PTGER3: variants seen among roughly 807,000 people sequenced by gnomAD.
The protein encoded by PTGER3 is prostaglandin E receptor 3.
PTGER3 carries 22 observed loss-of-function variants against 34.7 expected under a neutral mutation model. That is an observed-to-expected ratio of 0.63 (90% CI 0.45 to 0.91). The LOEUF (loss-of-function observed/expected upper bound fraction) is 0.91. Among genes scored for constraint, PTGER3 ranks in the 40% least tolerant of loss-of-function variants. The pLI is 0.00. For missense variants in PTGER3, 468 were observed against 519.4 expected (o/e 0.90, Z 0.96); for synonymous variants, 241 against 230.1 (o/e 1.05, Z -0.43).
intron 4 of PTGER3, among the ~76,000 whole-genome samples, chr1:70,880,490 G>A (rs535293501): frequency 1.3e-5 from 2 of 151,150 alleles, no homozygotes; most frequent in Non-Finnish European, 2.9e-5. Flanking sequence ...AGGAGTTCGA[G>A]ACCAGCCTGG....
At chr1:70,936,715 T>C (rs971061069) in intron 4 of PTGER3, among the ~76,000 whole-genome samples, 3 of 152,212 alleles carry the variant, frequency 2.0e-5, no homozygotes, top group African/African-American at 7.2e-5. Flanking sequence ...AGACAAATTT[T>C]AGGTGTTCTT....
intron 4 of PTGER3, among the ~76,000 whole-genome samples, chr1:70,946,549 A>G (rs974048771): frequency 5.0e-4 from 76 of 152,268 alleles, no homozygotes; most frequent in African/African-American, 1.7e-3. Flanking sequence ...TCTGCATAAA[A>G]CATCTTACAC....
chr1:70,888,978 A>G (rs961408854), intron 4 of PTGER3, among the ~76,000 whole-genome samples: 2 of 152,152 alleles, frequency 1.3e-5, no homozygotes, highest in African/African-American at 4.8e-5. Flanking sequence ...GGTTTTTTAG[A>G]AAAGAAAGCA....
At chr1:70,965,301 A>T (rs1442275735) in intron 2 of PTGER3, among the ~76,000 whole-genome samples, 2 of 152,196 alleles carry the variant, frequency 1.3e-5, no homozygotes, top group African/African-American at 4.8e-5. Context: ...TCATTTTATT[A>T]ACAAAACATA....
chr1:70,864,787 T>C (rs1245940240), intron 4 of PTGER3, among the ~76,000 whole-genome samples: 1 of 152,248 alleles, frequency 6.6e-6, no homozygotes, highest in Admixed American at 6.5e-5. Flanking sequence ...AGTCCCATTT[T>C]ATAGCTAAGT....
intron 2 of PTGER3, among the ~76,000 whole-genome samples, chr1:70,957,083 C>A (rs1651421629): frequency 1.3e-5 from 2 of 152,112 alleles, no homozygotes; most frequent in African/African-American, 4.8e-5. Context: ...TTAAAATCCC[C>A]AAATAAGAAA....
chr1:71,031,498 T>G (rs369800774), intron 1 of PTGER3, among the ~76,000 whole-genome samples: 1 of 152,174 alleles, frequency 6.6e-6, no homozygotes, highest in South Asian at 2.1e-4. Context: ...GCCTTCATCC[T>G]TTGTTATAGC....
chr1:71,045,160 T>C (rs1042941612), intron 1 of PTGER3, among the ~76,000 whole-genome samples: 1 of 152,162 alleles, frequency 6.6e-6, no homozygotes. Context: ...ACACTCCTTG[T>C]CCCCTCATGT....
intron 2 of PTGER3, among the ~76,000 whole-genome samples, chr1:70,985,782 A>G (rs1390959299): frequency 6.6e-6 from 1 of 152,128 alleles, no homozygotes; most frequent in African/African-American, 2.4e-5. Flanking sequence ...TATGTTCGTC[A>G]CTTTGTTCAG....
chr1:71,006,312 T>C, intron 2 of PTGER3: 1 of 985,450 alleles, frequency 1.0e-6, no homozygotes, highest in Non-Finnish European at 1.2e-6. Flanking sequence ...AGCTTGACTT[T>C]GCAGTCTACA....
intron 4 of PTGER3, among the ~76,000 whole-genome samples, chr1:70,864,185 C>T (rs1012304707): frequency 6.6e-6 from 1 of 152,098 alleles, no homozygotes; most frequent in African/African-American, 2.4e-5. Flanking sequence ...CTATTTACTT[C>T]TAGTTTTTTT....
In PTGER3 at chr1:70,946,464, C is replaced by A. The variant is rs146576675; in HGVS notation, c.*23+7299G>T. Reference sequence around the variant, plus strand: ...GTGCGTGCTCTTTACCACTACTTAACCTGCCATGTTAAACTATGGCAAGTA... The same window carrying A: ...GTGCGTGCTCTTTACCACTACTTAAACTGCCATGTTAAACTATGGCAAGTA... On this transcript the variant is annotated intron_variant, in intron 4 of 4. Coordinates refer to the PTGER3 transcript ENST00000370931. 2.9e-3 allele frequency among the ~76,000 whole-genome samples: 444 copies of A among 152,240 alleles called. 4 individuals are homozygous for A. The highest frequency in any genetic ancestry group is 0.01 in the African/African-American group (425 of 41,550).
chr1:70,915,104 C>T (rs1236376857), intron 4 of PTGER3, among the ~76,000 whole-genome samples: 1 of 151,804 alleles, frequency 6.6e-6, no homozygotes, highest in East Asian at 1.9e-4. Context: ...ATAAGCTTGG[C>T]ATGAGGAGCA....
At chr1:70,959,238 T>C (rs1313866137) in intron 2 of PTGER3, among the ~76,000 whole-genome samples, 2 of 152,234 alleles carry the variant, frequency 1.3e-5, no homozygotes, top group African/African-American at 2.4e-5. Flanking sequence ...AAGAATTGCA[T>C]TGAATCTGTA....
chr1:70,904,391 T>C (rs1366158490), intron 4 of PTGER3, among the ~76,000 whole-genome samples: 1 of 151,808 alleles, frequency 6.6e-6, no homozygotes, highest in African/African-American at 2.4e-5. Flanking sequence ...GGTGGAGAGG[T>C]TGGAACAGTT....
At chr1:70,867,677 A>G (rs998899147) in intron 4 of PTGER3, among the ~76,000 whole-genome samples, 1 of 152,126 alleles carries the variant, frequency 6.6e-6, no homozygotes, top group Non-Finnish European at 1.5e-5. Context: ...GTGAGCCAAG[A>G]TGGTGCCATT....
At chr1:71,039,228 G>T (rs1349282832) in intron 1 of PTGER3, among the ~76,000 whole-genome samples, 2 of 152,120 alleles carry the variant, frequency 1.3e-5, no homozygotes, top group African/African-American at 4.8e-5. Context: ...TCCCTCAGGT[G>T]TAAGGGAAAG....
chr1:70,902,340 G>A (rs1373629584), intron 4 of PTGER3, among the ~76,000 whole-genome samples: 4 of 152,202 alleles, frequency 2.6e-5, no homozygotes, highest in South Asian at 2.1e-4. Flanking sequence ...AGTTCTACAC[G>A]GTTCCATGAG....
intron 2 of PTGER3, among the ~76,000 whole-genome samples, chr1:70,977,730 C>A (rs1324889578): frequency 2.0e-5 from 3 of 152,082 alleles, no homozygotes; most frequent in Admixed American, 2.0e-4. Context: ...TCCTTTCCAT[C>A]CACTTTCAGA....
Sources: allele counts gnomAD v4.1 joint callset (sites outside exome capture counted in the v4.1 genomes callset), GRCh38; gene constraint gnomAD v4.1.1; transcripts MANE v1.5; gene names NCBI Gene and HGNC (gene_info 2026-07-23, HGNC 2026-07-21).